EPCAM: variants seen among roughly 807,000 people sequenced by gnomAD.
EPCAM encodes the protein epithelial cell adhesion molecule, also known as adenocarcinoma-associated antigen.
In EPCAM, 39 loss-of-function variants were observed where a neutral mutation model predicts 40.0. That is an observed-to-expected ratio of 0.98 (90% CI 0.76 to 1.27). The LOEUF is 1.27. EPCAM is among the 50% of genes most tolerant of loss of function. EPCAM has a pLI of 0.00. For synonymous variants in EPCAM, 168 were observed against 132.3 expected (o/e 1.27, Z -1.85); for missense variants, 503 against 381.2 (o/e 1.32, Z -2.66).
At chr2:47,374,358 TATTTC>T (rs1165401042) in intron 3 of EPCAM, among the ~76,000 whole-genome samples, 1 of 152,244 alleles carries the variant, frequency 6.6e-6, no homozygotes, top group African/African-American at 2.4e-5. Flanking sequence ...CATTATTCAG[TATTTC>T]ATTGTTGCAT....
intron 3 of EPCAM, 22 bp from the exon 4 acceptor site, chr2:47,375,212 A>C (rs1225753853): frequency 1.3e-6 from 2 of 1,539,060 alleles, no homozygotes; most frequent in Non-Finnish European, 1.8e-6. Context: ...TAGTCAACTG[A>C]CATTGTCTTT....
chr2:47,371,806 G>T (rs1573391640), intron 1 of EPCAM, among the ~76,000 whole-genome samples: 1 of 152,160 alleles, frequency 6.6e-6, no homozygotes, highest in South Asian at 2.1e-4. Context: ...TGAGTTTAGT[G>T]TTGGGCAGAT....
chr2:47,369,720 G>C, intron 1 of EPCAM, 139 bp downstream of exon 1: 1 of 935,960 alleles, frequency 1.1e-6, no homozygotes, highest in Non-Finnish European at 1.7e-6. Context: ...CGGACGGTGC[G>C]GCCGTGCTCC....
At chr2:47,383,963 A>G (rs1380215193) in intron 7 of EPCAM, among the ~76,000 whole-genome samples, 1 of 151,556 alleles carries the variant, frequency 6.6e-6, no homozygotes, top group African/African-American at 2.4e-5. Flanking sequence ...TTTAAAGATT[A>G]TTCATTGTTT....
At chr2:47,377,138 T>C in intron 5 of EPCAM, 61 bp downstream of exon 5, 1 of 1,110,932 alleles carries the variant, frequency 9.0e-7, no homozygotes, top group East Asian at 2.3e-5. Flanking sequence ...GTTTTGAGTA[T>C]AAGGACAGCC....
At chr2:47,370,001 C>T (rs1274306720) in intron 1 of EPCAM, among the ~76,000 whole-genome samples, 1 of 152,192 alleles carries the variant, frequency 6.6e-6, no homozygotes. Flanking sequence ...GCGGGCTCGC[C>T]CTTGTCCTTG....
chr2:47,376,337 A>G (rs1298230825), intron 4 of EPCAM, among the ~76,000 whole-genome samples: 3 of 146,094 alleles, frequency 2.1e-5, no homozygotes, highest in Non-Finnish European at 3.0e-5. Flanking sequence ...GCTCACCGCA[A>G]CCTCTGCTTC....
chr2:47,374,775 C>G (rs1487975212), intron 3 of EPCAM, among the ~76,000 whole-genome samples: 1 of 152,064 alleles, frequency 6.6e-6, no homozygotes, highest in Non-Finnish European at 1.5e-5. Flanking sequence ...TCCTGAGTAG[C>G]TGGGACTACA....
At chr2:47,385,359 C>G (rs1167406025) in intron 8 of EPCAM, 149 bp downstream of exon 8, 1 of 707,876 alleles carries the variant, frequency 1.4e-6, no homozygotes, top group Non-Finnish European at 2.6e-6. Context: ...TTAGAATGTA[C>G]TCTTACCTAA....
intron 1 of EPCAM, among the ~76,000 whole-genome samples, chr2:47,372,495 C>T (rs547844835): frequency 9.4e-4 from 143 of 151,826 alleles, no homozygotes; most frequent in African/African-American, 3.1e-3. Context: ...AAAAAAAAGC[C>T]GGGCGCGGTG....
intron 1 of EPCAM, 33 bp from the exon 2 acceptor site, chr2:47,373,430 A>G: frequency 7.2e-7 from 1 of 1,389,914 alleles, no homozygotes. Context: ...ATAGATCCAC[A>G]TTTTAAAGTA....
chr2:47,378,271 C>T (rs1364408765), intron 5 of EPCAM, among the ~76,000 whole-genome samples: 1 of 150,534 alleles, frequency 6.6e-6, no homozygotes, highest in Non-Finnish European at 1.5e-5. Context: ...ATGCATGCTG[C>T]GTTTTACCTT....
intron 1 of EPCAM, 30 bp downstream of exon 1, chr2:47,369,611 AGCTGG>A (rs534099440): frequency 2.5e-6 from 4 of 1,571,336 alleles, no homozygotes; most frequent in African/African-American, 2.7e-5. Context: ...AGAGTTGTGG[AGCTGG>A]GCTGGGCTGG....
chr2:47,370,093 C>T (rs1671212000), intron 1 of EPCAM, among the ~76,000 whole-genome samples: 1 of 152,248 alleles, frequency 6.6e-6, no homozygotes, highest in Middle Eastern at 3.2e-3. Context: ...CTGCGCGCGG[C>T]AGGCGGCCCG....
intron 1 of EPCAM, 61 bp downstream of exon 1, chr2:47,369,642 G>A (rs781340035): frequency 1.2e-5 from 18 of 1,478,154 alleles, no homozygotes; most frequent in Non-Finnish European, 1.6e-5. Context: ...AGCGGCCCCC[G>A]GCCCTCGGCC....
chr2:47,370,787 A>G (rs1391618683), intron 1 of EPCAM, among the ~76,000 whole-genome samples: 1 of 151,746 alleles, frequency 6.6e-6, no homozygotes, highest in East Asian at 1.9e-4. Context: ...CTGGAGTACA[A>G]CGGCGCGATC....
intron 7 of EPCAM, 114 bp downstream of exon 7, chr2:47,380,083 A>C (rs1671549397): frequency 6.6e-7 from 1 of 1,508,092 alleles, no homozygotes; most frequent in Non-Finnish European, 9.0e-7. Context: ...TGGGAGGCTG[A>C]GACAGGTGGA....
chr2:47,373,545 A>C lies in EPCAM; in HGVS notation c.159A>C (p.Ala53=), dbSNP rs150562209. The change falls in exon 2 of 9, where the codon GCA becomes GCC. Residue 53 remains alanine (A), a synonymous_variant. Coordinates refer to ENST00000263735, the MANE Select transcript of EPCAM (RefSeq NM_002354.3). ...AATGCCAGTGTACTTCAGTTGGTGC[A>C]CAAAATACTGTCATTTGCTCAAAGC... ...NRQCQCTSVG[A]QNTVICSKLA... The C allele has an allele frequency of 4.2e-4, 685 of 1,613,076 alleles. 13 individuals carry two copies. The East Asian group carries it at 0.011, about 27-fold the overall frequency.
chr2:47,374,137 G>A (rs1017831531), intron 3 of EPCAM, 89 bp downstream of exon 3: 6 of 1,483,524 alleles, frequency 4.0e-6, no homozygotes. Context: ...TGATTTCATG[G>A]TTTAGAATTC....
Sources: allele counts gnomAD v4.1 joint callset (sites outside exome capture counted in the v4.1 genomes callset), GRCh38; gene constraint gnomAD v4.1.1; transcripts MANE v1.5; gene names NCBI Gene and HGNC (gene_info 2026-07-23, HGNC 2026-07-21).